GCH1: variants seen among roughly 807,000 people sequenced by gnomAD.
The protein encoded by GCH1 is GTP cyclohydrolase 1.
GCH1 carries 5 observed loss-of-function variants against 25.9 expected under a neutral mutation model. The ratio of observed to expected loss-of-function variants is 0.19; its 90% CI spans 0.10 to 0.41. The LOEUF (loss-of-function observed/expected upper bound fraction) is 0.41. Among genes scored for constraint, GCH1 ranks in the 10% least tolerant of loss-of-function variants. The pLI is 1.00. For missense variants in GCH1, 261 were observed against 336.5 expected, an observed-to-expected ratio of 0.78 and a Z score of 1.75; for synonymous variants, 159 against 129.6, an observed-to-expected ratio of 1.23 and a Z score of -1.54.
chr14:54,902,524 G>A lies in GCH1; in HGVS notation c.140C>T (p.Ala47Val), dbSNP rs2040584415. The change falls in exon 1 of 6, where the codon GCG becomes GTG. Residue 47 changes from alanine to valine, a missense_variant. Ala to Val is a moderately conservative substitution (Grantham distance 64, BLOSUM62 0). Transcript: ENST00000491895. ...EKPPRPEAKS[A>V]QPADGWKGER... is the part of the protein sequence containing the mutation. ...GCCCTTCCAGCCGTCCGCGGGCTGCGCGCTCTTGGCCTCGGGCCGCGGGGG... is the reference window on the plus strand; with the variant it reads ...GCCCTTCCAGCCGTCCGCGGGCTGCACGCTCTTGGCCTCGGGCCGCGGGGG... The A allele has an allele frequency of 3.8e-6, 6 of 1,591,736 alleles. No homozygotes were observed. The Admixed American group carries it at 7.0e-5, about 19-fold the overall frequency.
In GCH1 at chr14:54,859,697, G is replaced by A. The variant is rs755485677; in HGVS notation, c.493C>T (p.Leu165Phe). Reference protein sequence around the residue: ...GYLPNKQVLGLSKLARIVEIY... With the variant: ...GYLPNKQVLGFSKLARIVEIY... ...CACACTTACCTCGCAAGTTTGCTGA[G>A]GCCAAGGACTTGCTTGTTAGGAAGA... Residue 165 changes from leucine (L) to phenylalanine (F), a missense_variant, in exon 3 of 6, where the codon CTC becomes TTC. Physicochemically the swap from Leu to Phe is conservative, Grantham distance 22. This residue lies in a region of GCH1 where 130 missense variants were observed against 184.1 expected (regional missense o/e 0.71). Transcript: ENST00000491895. 5 of 1,598,292 alleles carry A rather than the reference G, an allele frequency of 3.1e-6. No individual in the cohort carries two copies. In the Admixed American group the frequency reaches 5.0e-5, roughly 16 times the overall value.
In GCH1 at chr14:54,880,410, A is replaced by G. The variant is rs974327183; in HGVS notation, c.344-14974T>C. 3.8e-5 allele frequency among the ~76,000 whole-genome samples: 5 copies of G among 131,692 alleles called. No individual in the cohort carries two copies. The South Asian group carries it at 1.2e-3, about 32-fold the overall frequency. 86.4% of individuals were successfully genotyped at this position (131,692 alleles called of 152,430 possible). On this transcript the variant is annotated intron_variant, in intron 1 of 5. Transcript: ENST00000491895. ...TAATATATATTATATAATACATAATATATAAAATATATATATACTCCATAT... is the reference window on the plus strand; with the variant it reads ...TAATATATATTATATAATACATAATGTATAAAATATATATATACTCCATAT...
chr14:54,861,312 A>T (rs1365547738), intron 2 of GCH1, among the ~76,000 whole-genome samples: 1 of 152,182 alleles, frequency 6.6e-6, no homozygotes, highest in Non-Finnish European at 1.5e-5. Flanking sequence ...GAGAGTTAAA[A>T]CTTTCCCATG....
chr14:54,881,990 A>C (rs1289719107), intron 1 of GCH1, among the ~76,000 whole-genome samples: 2 of 152,240 alleles, frequency 1.3e-5, no homozygotes, highest in Non-Finnish European at 1.5e-5. Flanking sequence ...TCAAGTTTTC[A>C]CGTATAAAGT....
At chr14:54,892,258 T>C (rs2040433062) in intron 1 of GCH1, among the ~76,000 whole-genome samples, 1 of 152,224 alleles carries the variant, frequency 6.6e-6, no homozygotes, top group African/African-American at 2.4e-5. Context: ...AGTTTGGTAC[T>C]ACCCTCAGTT....
chr14:54,886,002 C>T, intron 1 of GCH1: 1 of 268,744 alleles, frequency 3.7e-6, no homozygotes, highest in Non-Finnish European at 7.4e-6. Flanking sequence ...TGGGCTCTGC[C>T]AGCTCCTGGA....
At position 54,859,996 on chromosome 14, in the gene GCH1, G is replaced by A. The variant is rs74050237; in HGVS notation, c.454-260C>T. On this transcript the variant is annotated intron_variant, in intron 2 of 5. Coordinates refer to ENST00000491895, the MANE Select transcript of GCH1 (RefSeq NM_000161.3). ...AAATAACAAACTTGTACAGTTGTCC[G>A]TTGGTAAATGCGGGAGATTGCTTCC... Among the ~76,000 whole-genome samples the A allele has an allele frequency of 3.3e-3, 510 of 152,242 alleles. 6 individuals are homozygous for A. Among genetic ancestry groups the A allele is most frequent in the African/African-American group, 0.012 (489 of 41,528 alleles).
intron 5 of GCH1, among the ~76,000 whole-genome samples, chr14:54,844,831 C>G (rs943988967): frequency 6.6e-6 from 1 of 152,152 alleles, no homozygotes. Flanking sequence ...CTTGGAGCAA[C>G]AGAGAGCTAA....
intron 2 of GCH1, among the ~76,000 whole-genome samples, chr14:54,864,840 A>ACT (rs1566668735): frequency 1.3e-5 from 2 of 152,226 alleles, no homozygotes; most frequent in Non-Finnish European, 2.9e-5. Context: ...TTTTCCTAAT[A>ACT]TAGAAAGGAA....
chr14:54,863,606 A>G (rs2039947850), intron 2 of GCH1, among the ~76,000 whole-genome samples: 1 of 151,964 alleles, frequency 6.6e-6, no homozygotes, highest in Non-Finnish European at 1.5e-5. Context: ...AACAATGAAA[A>G]TAAACTACAA....
Position 54,865,334 on chromosome 14 carries a change from A to G in GCH1, c.446T>C (p.Val149Ala), listed in dbSNP as rs759958696. The G allele has an allele frequency of 6.9e-7, 1 of 1,458,690 alleles. No individual in the cohort carries two copies. The highest frequency in any genetic ancestry group is 9.6e-7 in the Non-Finnish European group (1 of 1,038,526). The allele number at this position is 1,458,690 out of a possible 1,614,324, so 90.4% of individuals were successfully genotyped here. ...SMCEHHLVPF[V>A]GKVHIGYLPN... ...CAACAAAGAGAACCTTACCTTTCCA[A>G]CAAATGGAACCAAGTGATGCTCACA... The change falls in exon 2 of 6, where the codon GTT (valine) becomes GCT (alanine). Residue 149 changes from valine (V) to alanine (A), a missense_variant. This residue lies in a region of GCH1 where 130 missense variants were observed against 184.1 expected (regional missense o/e 0.71). Coordinates refer to ENST00000491895, the MANE Select transcript of GCH1 (RefSeq NM_000161.3).
intron 1 of GCH1, among the ~76,000 whole-genome samples, chr14:54,871,690 C>T (rs2040081167): frequency 1.3e-5 from 2 of 151,966 alleles, no homozygotes; most frequent in Admixed American, 6.6e-5. Context: ...ACGAGAACTA[C>T]GTGATGAATG....
intron 1 of GCH1, among the ~76,000 whole-genome samples, chr14:54,868,967 C>CG (rs963419140): frequency 1.2e-4 from 18 of 152,092 alleles, no homozygotes; most frequent in Admixed American, 9.8e-4. Context: ...TTAAACTCCA[C>CG]GGCTCAAGCC....
chr14:54,871,147 A>G (rs2040070188), intron 1 of GCH1, among the ~76,000 whole-genome samples: 1 of 152,170 alleles, frequency 6.6e-6, no homozygotes, highest in South Asian at 2.1e-4. Flanking sequence ...CTCTGAGACA[A>G]AACTTCCAGA....
intron 3 of GCH1, among the ~76,000 whole-genome samples, chr14:54,850,536 C>T (rs543904210): frequency 3.6e-4 from 55 of 151,992 alleles, no homozygotes; most frequent in African/African-American, 1.1e-3. Context: ...ATGTGCACAA[C>T]GTGCAGGTTT....
chr14:54,847,157 A>C (rs1373622971), intron 3 of GCH1, 27 bp from the exon 4 acceptor site: 1 of 900,932 alleles, frequency 1.1e-6, no homozygotes, highest in East Asian at 2.6e-5. Flanking sequence ...TGTTTTAGTT[A>C]ATCACAAATC....
chr14:54,887,608 G>A (rs1017921111), intron 1 of GCH1, among the ~76,000 whole-genome samples: 3 of 152,140 alleles, frequency 2.0e-5, no homozygotes, highest in Non-Finnish European at 4.4e-5. Context: ...AAAGACATTT[G>A]AGACACCTGA....
At chr14:54,852,315 CATTT>C (rs917622991) in intron 3 of GCH1, among the ~76,000 whole-genome samples, 48 of 152,290 alleles carry the variant, frequency 3.2e-4, no homozygotes, top group African/African-American at 1.1e-3. Flanking sequence ...GTGATACATA[CATTT>C]AAGAAAGATT....
chr14:54,898,681 G>A (rs920644303), intron 1 of GCH1, among the ~76,000 whole-genome samples: 25 of 152,276 alleles, frequency 1.6e-4, no homozygotes, highest in African/African-American at 5.8e-4. Context: ...GTGCATTGGT[G>A]CAATCTCGGC....
Sources: gnomAD v4.1 joint callset for allele counts (sites outside exome capture counted in the v4.1 genomes callset) on GRCh38, gnomAD v4.1.1 for gene constraint, gnomAD v4.1.1 regional missense constraint, MANE v1.5 for transcripts, NCBI Gene and HGNC (gene_info 2026-07-23, HGNC 2026-07-21) for gene names.